EPHA8: variants seen among roughly 807,000 people sequenced by gnomAD.
EPHA8 encodes the protein EPH receptor A8.
EPHA8 carries 58 observed loss-of-function variants against 103.6 expected under a neutral mutation model. The observed-to-expected ratio is 0.56, with a 90% CI of 0.45 to 0.70. The LOEUF is 0.70. Ranked by LOEUF, EPHA8 falls within the 30% of genes least tolerant of loss-of-function variation. The pLI, the probability that EPHA8 is intolerant of heterozygous loss-of-function variation, is 0.00. For missense variants in EPHA8, 1,304 were observed against 1,395.2 expected, an observed-to-expected ratio of 0.93 and a Z score of 1.04; for synonymous variants, 559 against 572.5, an observed-to-expected ratio of 0.98 and a Z score of 0.34.
At position 22,598,327 on chromosome 1, in the gene EPHA8, G is replaced by A. The variant is rs959401780; in HGVS notation, c.2178+115G>A. On this transcript the variant is annotated intron_variant, in intron 12 of 16. Transcript: ENST00000166244. This position sits in a 1 kb window ranked among gnomAD's most constrained non-coding sequence, Gnocchi z 5.1. ...CTCCCTGGCTTGGACACCACAGGCC[G>A]GGGGACAGGAGGCAGGTATAGGGAG... 4.5e-5 allele frequency: 47 copies of A among 1,038,862 alleles called. No homozygotes were observed. Among genetic ancestry groups the A allele is most frequent in the Non-Finnish European group, 6.1e-5 (43 of 706,900 alleles). 64.4% of individuals were successfully genotyped at this position (1,038,862 alleles called of 1,614,324 possible).
intron 13 of EPHA8, among the ~76,000 whole-genome samples, chr1:22,600,280 G>A (rs911158791): frequency 6.6e-6 from 1 of 150,380 alleles, no homozygotes. Flanking sequence ...AGGAAGGAAG[G>A]GATGAGGAAA....
intron 2 of EPHA8, among the ~76,000 whole-genome samples, chr1:22,570,428 C>T (rs1480740828): frequency 2.7e-5 from 2 of 75,238 alleles, no homozygotes; most frequent in African/African-American, 2.7e-4. Context: ...GCCACAGGCA[C>T]GAGCACATTG....
intron 5 of EPHA8, among the ~76,000 whole-genome samples, chr1:22,591,976 T>C (rs1422248527): frequency 6.6e-6 from 1 of 152,216 alleles, no homozygotes; most frequent in Non-Finnish European, 1.5e-5. Context: ...CCTGTCTCCT[T>C]TCCTGGGACA....
chr1:22,581,771 G>T (rs1641053195), intron 3 of EPHA8, among the ~76,000 whole-genome samples: 2 of 152,258 alleles, frequency 1.3e-5, no homozygotes, highest in African/African-American at 4.8e-5. Flanking sequence ...AATTATGCCA[G>T]TTGCAAGATA....
In EPHA8 at chr1:22,597,591, C is replaced by T. The variant is rs1641556523; in HGVS notation, c.1931-85C>T. 1 of 1,551,202 alleles carries T rather than the reference C, an allele frequency of 6.4e-7. No individual in the cohort carries two copies. Among genetic ancestry groups the T allele is most frequent in the Admixed American group, 1.9e-5 (1 of 53,652 alleles). On this transcript the variant is annotated intron_variant, in intron 10 of 16. Coordinates refer to ENST00000166244, the MANE Select transcript of EPHA8 (RefSeq NM_020526.5). The surrounding 1 kb of genome is among the most constrained non-coding windows in gnomAD (Gnocchi z 4.6). ...GTGTGACCCAGGGGTCTGGCAAGCC[C>T]AGGGGGTCCAAGGGCCTGGGAGGCT...
Position 22,598,765 on chromosome 1 carries a change from T to A in EPHA8, c.2179-73T>A. The stretch of plus-strand genomic sequence containing the variant: ...TCTCAACTCGAGAGCATCCTACAGA[T>A]GGGAGGTGTTCCTGTTCACGGACCA... On this transcript the variant is annotated intron_variant, in intron 12 of 16. Transcript: ENST00000166244. The surrounding 1 kb of genome is among the most constrained non-coding windows in gnomAD (Gnocchi z 5.1). 6.8e-7 allele frequency: 1 copy of A among 1,476,688 alleles called. No homozygotes were observed. Among genetic ancestry groups the A allele is most frequent in the South Asian group, 1.2e-5 (1 of 84,010 alleles). The allele number at this position is 1,476,688 out of a possible 1,614,324, so 91.5% of individuals were successfully genotyped here.
intron 3 of EPHA8, among the ~76,000 whole-genome samples, chr1:22,580,142 T>C (rs1249175313): frequency 2.1e-5 from 3 of 143,970 alleles, no homozygotes; most frequent in South Asian, 2.2e-4. Flanking sequence ...TTTTTTTTTT[T>C]TTTTTTTTTT....
intron 2 of EPHA8, among the ~76,000 whole-genome samples, chr1:22,570,599 G>A (rs1436700778): frequency 2.3e-5 from 2 of 87,028 alleles, no homozygotes; most frequent in East Asian, 2.6e-4. Flanking sequence ...CTTTTGTGGG[G>A]GCCTGTGATT....
intron 2 of EPHA8, among the ~76,000 whole-genome samples, chr1:22,571,925 T>A (rs1640554061): frequency 6.6e-6 from 1 of 152,132 alleles, no homozygotes; most frequent in Non-Finnish European, 1.5e-5. Context: ...TGGTCCCCGC[T>A]ACTCAGGAGG....
rs1233906284 is a variant in EPHA8 at position 22,576,438 on chromosome 1, G to T, written c.381G>T (p.Leu127=). ...TCKETFNLYY[L]ESDRDLGAST... is the part of the protein sequence containing the mutation. ...AGGAGACCTTCAACCTCTACTACCT[G>T]GAGTCGGACCGCGACCTGGGGGCCA... is the stretch of plus-strand genomic sequence containing the variant. Residue 127 remains leucine, a synonymous_variant, in exon 3 of 17, where the codon CTG becomes CTT. Transcript: ENST00000166244. The surrounding 1 kb of genome is among the most constrained non-coding windows in gnomAD (Gnocchi z 4.8). 1 of 1,614,076 alleles carries T rather than the reference G, an allele frequency of 6.2e-7. No homozygotes were observed.
chr1:22,586,348 G>C, intron 3 of EPHA8, 132 bp from the exon 4 acceptor site: 1 of 1,067,886 alleles, frequency 9.4e-7, no homozygotes, highest in Non-Finnish European at 1.4e-6. Flanking sequence ...GGCAGCACTG[G>C]GCAGTGTGAA....
At chr1:22,578,943 G>C (rs1640927440) in intron 3 of EPHA8, among the ~76,000 whole-genome samples, 1 of 145,270 alleles carries the variant, frequency 6.9e-6, no homozygotes, top group African/African-American at 2.5e-5. Flanking sequence ...ATGTGTGTAT[G>C]TATGCATGTG....
At position 22,602,031 on chromosome 1, in the gene EPHA8, C is replaced by T. The variant is rs1197464080; in HGVS notation, c.*290C>T. Reference sequence around the variant, plus strand: ...CACAGAGTCCAACAGGGACATCACTCGCCTGCCTCTGTGTGCGTGCATGTG... The same window carrying T: ...CACAGAGTCCAACAGGGACATCACTTGCCTGCCTCTGTGTGCGTGCATGTG... On this transcript the variant is annotated 3_prime_UTR_variant, in exon 17 of 17. Transcript: ENST00000166244. 5.7e-6 allele frequency: 3 copies of T among 530,558 alleles called. No homozygotes were observed. Among genetic ancestry groups the T allele is most frequent in the East Asian group, 3.3e-5 (1 of 30,652 alleles). The allele number at this position is 530,558 out of a possible 1,614,324, so 32.9% of individuals were successfully genotyped here.
chr1:22,599,736 G>GAAGGGAGGGAGGAAGGAGGGAAGGA (rs140634907), intron 13 of EPHA8, among the ~76,000 whole-genome samples: 1 of 17,456 alleles, frequency 5.7e-5, no homozygotes, highest in Non-Finnish European at 9.4e-5. Context: ...GGGAAGGAAG[G>GAAGGGAGGGAGGAAGGAGGGAAGGA]AGGGAGGGAG....
chr1:22,569,485 A>T lies in EPHA8; in HGVS notation c.159+132A>T, dbSNP rs1640462201. 6 of 918,088 alleles carry T rather than the reference A, an allele frequency of 6.5e-6. No individual in the cohort carries two copies. In the South Asian group the frequency reaches 8.4e-5, roughly 13 times the overall value. The allele number at this position is 918,088 out of a possible 1,614,324, so 56.9% of individuals were successfully genotyped here. ...GGTCAAGGGACTTACCCAAGGGCAC[A>T]CAGCAGTTAGTGCTGCTGATCTCTT... On this transcript the variant is annotated intron_variant, in intron 2 of 16. Transcript: ENST00000166244. This position sits in a 1 kb window ranked among gnomAD's most constrained non-coding sequence, Gnocchi z 4.5.
At position 22,563,750 on chromosome 1, in the gene EPHA8, G is replaced by C. The variant is rs895175326; in HGVS notation, c.94+21G>C. Reference sequence around the variant, plus strand: ...CGAAGGTGAGCGGCGGCGGCGGGGCGGGGCAGGGGCGGCCGAGGGGCGCGG... The same window carrying C: ...CGAAGGTGAGCGGCGGCGGCGGGGCCGGGCAGGGGCGGCCGAGGGGCGCGG... On this transcript the variant is annotated intron_variant, in intron 1 of 16. Coordinates refer to ENST00000166244, the MANE Select transcript of EPHA8 (RefSeq NM_020526.5). The surrounding 1 kb of genome is among the most constrained non-coding windows in gnomAD (Gnocchi z 4.4). The C allele has an allele frequency of 2.0e-5, 3 of 148,100 alleles. No homozygotes were observed. Among genetic ancestry groups the C allele is most frequent in the Non-Finnish European group, 4.5e-5 (3 of 66,240 alleles). 9.2% of individuals were successfully genotyped at this position (148,100 alleles called of 1,614,324 possible).
intron 3 of EPHA8, among the ~76,000 whole-genome samples, chr1:22,585,477 C>T (rs898140374): frequency 9.2e-5 from 14 of 152,210 alleles, no homozygotes; most frequent in Admixed American, 7.2e-4. Flanking sequence ...GAAGTAGCTC[C>T]TCCCACCATT....
At position 22,588,803 on chromosome 1, in the gene EPHA8, C is replaced by G. The variant is rs995042878; in HGVS notation, c.980-68C>G. 10 of 1,512,320 alleles carry G rather than the reference C, an allele frequency of 6.6e-6. No homozygotes were observed. The African/African-American group carries it at 1.2e-4, about 19-fold the overall frequency. The allele number at this position is 1,512,320 out of a possible 1,614,324, so 93.7% of individuals were successfully genotyped here. On this transcript the variant is annotated intron_variant, in intron 4 of 16. Transcript: ENST00000166244. ...GCCCTTCCCTTGGGGAGCCCCAGGT[C>G]TGATGATAGGAAGACAGGACAGCCC...
intron 3 of EPHA8, among the ~76,000 whole-genome samples, chr1:22,577,507 G>A (rs1424927949): frequency 6.6e-6 from 1 of 152,138 alleles, no homozygotes; most frequent in East Asian, 1.9e-4. Context: ...TGAGGGGTAT[G>A]AAGCCAGGGA....
Sources: gnomAD v4.1 joint callset for allele counts (sites outside exome capture counted in the v4.1 genomes callset) on GRCh38, gnomAD v4.1.1 for gene constraint, Gnocchi (gnomAD v3.1) non-coding constraint, MANE v1.5 for transcripts, NCBI Gene and HGNC (gene_info 2026-07-23, HGNC 2026-07-21) for gene names.